MAP4K3: variants seen among roughly 807,000 people sequenced by gnomAD.
MAP4K3 encodes mitogen-activated protein kinase kinase kinase kinase 3, also known as MAPK/ERK kinase kinase kinase 3.
MAP4K3 carries 94 observed loss-of-function variants against 143.5 expected under a neutral mutation model. That is an observed-to-expected ratio of 0.65 (90% CI 0.55 to 0.78). The LOEUF (loss-of-function observed/expected upper bound fraction) is 0.78. MAP4K3 is among the 30% of genes least tolerant of loss of function. The pLI is 0.00. For missense variants in MAP4K3, 1,077 were observed against 1,068.1 expected (o/e 1.01, Z -0.12); for synonymous variants, 416 against 347.2 (o/e 1.20, Z -2.20).
At chr2:39,351,631 G>A (rs1334951269) in intron 3 of MAP4K3, among the ~76,000 whole-genome samples, 4 of 152,200 alleles carry the variant, frequency 2.6e-5, no homozygotes, top group Non-Finnish European at 5.9e-5. Context: ...GGTAAAGTAT[G>A]CTCATCTAAA....
intron 1 of MAP4K3, among the ~76,000 whole-genome samples, chr2:39,417,374 C>A (rs1167101858): frequency 2.0e-5 from 3 of 152,166 alleles, no homozygotes; most frequent in Non-Finnish European, 4.4e-5. Context: ...CGCCTGTCAC[C>A]ACGCCCGGCT....
chr2:39,401,715 C>T (rs948077908), intron 1 of MAP4K3, among the ~76,000 whole-genome samples: 2 of 152,006 alleles, frequency 1.3e-5, no homozygotes, highest in South Asian at 4.2e-4. Flanking sequence ...GTGGGCATTT[C>T]GCTTGAGCAG....
chr2:39,401,439 C>G (rs1666951228), intron 1 of MAP4K3, among the ~76,000 whole-genome samples: 1 of 152,146 alleles, frequency 6.6e-6, no homozygotes, highest in Non-Finnish European at 1.5e-5. Context: ...AGAATACTGT[C>G]TTAGTATTGG....
intron 4 of MAP4K3, among the ~76,000 whole-genome samples, chr2:39,340,120 C>T (rs1665097426): frequency 6.6e-6 from 1 of 152,086 alleles, no homozygotes; most frequent in Non-Finnish European, 1.5e-5. Context: ...CTTGCAAGCA[C>T]TAGGATTATT....
intron 12 of MAP4K3, among the ~76,000 whole-genome samples, chr2:39,317,279 T>A (rs1438449913): frequency 6.6e-6 from 1 of 152,122 alleles, no homozygotes; most frequent in African/African-American, 2.4e-5. Flanking sequence ...GATTACAGAC[T>A]TAAATGTAAA....
intron 24 of MAP4K3, among the ~76,000 whole-genome samples, chr2:39,275,322 C>A (rs961815878): frequency 2.6e-5 from 4 of 151,982 alleles, no homozygotes; most frequent in Non-Finnish European, 2.9e-5. Context: ...CCAGTCTCTA[C>A]AAAATATCAA....
chr2:39,370,099 G>C (rs994845880), intron 2 of MAP4K3, among the ~76,000 whole-genome samples: 9 of 152,182 alleles, frequency 5.9e-5, no homozygotes, highest in Admixed American at 2.6e-4. Flanking sequence ...CATAAACAGA[G>C]GACTGAGAAT....
chr2:39,394,161 T>C (rs992053519), intron 1 of MAP4K3, among the ~76,000 whole-genome samples: 2 of 152,228 alleles, frequency 1.3e-5, no homozygotes, highest in Admixed American at 1.3e-4. Context: ...TACGAGAGAA[T>C]GGCCAATATG....
chr2:39,373,723 G>T (rs1181458154), intron 2 of MAP4K3, among the ~76,000 whole-genome samples: 1 of 152,126 alleles, frequency 6.6e-6, no homozygotes, highest in Non-Finnish European at 1.5e-5. Flanking sequence ...TTTATCTGTG[G>T]GAGCTAAAAC....
intron 1 of MAP4K3, among the ~76,000 whole-genome samples, chr2:39,381,395 A>T (rs866071684): frequency 1.3e-5 from 2 of 152,310 alleles, no homozygotes; most frequent in South Asian, 4.1e-4. Context: ...ATCCCTTATC[A>T]GTCACATGAT....
intron 28 of MAP4K3, among the ~76,000 whole-genome samples, chr2:39,261,312 C>A (rs143894373): frequency 1.1e-5 from 1 of 91,496 alleles, no homozygotes; most frequent in East Asian, 3.3e-4. Context: ...ATAATACAAC[C>A]CATTTTAATT....
chr2:39,332,506 G>A lies in MAP4K3; in HGVS notation c.458-517C>T, dbSNP rs1683714698. Among the ~76,000 whole-genome samples, 9 of 151,990 alleles carry A rather than the reference G, an allele frequency of 5.9e-5. No homozygotes were observed. In the South Asian group the frequency reaches 1.9e-3, roughly 32 times the overall value. On this transcript the variant is annotated intron_variant, in intron 7 of 33. Transcript: ENST00000263881. The stretch of plus-strand genomic sequence containing the variant: ...TAGTACCAGTATCAGTCACTATCAG[G>A]AAATTATTTTTATGTATGATTTGTT...
intron 16 of MAP4K3, among the ~76,000 whole-genome samples, chr2:39,295,205 C>T (rs1164022951): frequency 6.6e-6 from 1 of 151,986 alleles, no homozygotes; most frequent in African/African-American, 2.4e-5. Flanking sequence ...TATTCACTGC[C>T]TCTGAGTCTC....
intron 26 of MAP4K3, among the ~76,000 whole-genome samples, chr2:39,269,112 CTT>C (rs34649274): frequency 0.77 from 114,759 of 148,812 alleles, 44,813 homozygotes; most frequent in Non-Finnish European, 0.85. Context: ...CTGTACAAGT[CTT>C]TTTTTTTTTT....
At chr2:39,316,895 A>G (rs1272506483) in intron 12 of MAP4K3, among the ~76,000 whole-genome samples, 3 of 152,164 alleles carry the variant, frequency 2.0e-5, no homozygotes, top group African/African-American at 7.2e-5. Flanking sequence ...AAAAATTAAA[A>G]TTTATAGAAA....
chr2:39,375,977 G>C (rs1666206739), intron 2 of MAP4K3, among the ~76,000 whole-genome samples: 2 of 152,178 alleles, frequency 1.3e-5, no homozygotes, highest in Admixed American at 1.3e-4. Flanking sequence ...CCAGTTGATG[G>C]GCAGTTAGAC....
At chr2:39,326,121 G>T (rs767662313) in intron 9 of MAP4K3, 25 bp downstream of exon 9, 4 of 1,602,542 alleles carry the variant, frequency 2.5e-6, no homozygotes, top group African/African-American at 1.3e-5. Context: ...TTAAGCGTAA[G>T]ATTCTTCAAT....
intron 13 of MAP4K3, among the ~76,000 whole-genome samples, chr2:39,311,985 C>A (rs1558639827): frequency 6.6e-6 from 1 of 151,850 alleles, no homozygotes; most frequent in African/African-American, 2.4e-5. Flanking sequence ...GAATGAAGAG[C>A]AAAAAATTGG....
chr2:39,416,808 T>C (rs182461574), intron 1 of MAP4K3, among the ~76,000 whole-genome samples: 169 of 152,352 alleles, frequency 1.1e-3, no homozygotes, highest in Non-Finnish European at 1.7e-3. Context: ...CACACATCTA[T>C]TTTTGGCAGT....
Sources: allele counts gnomAD v4.1 joint callset (sites outside exome capture counted in the v4.1 genomes callset), GRCh38; gene constraint gnomAD v4.1.1; transcripts MANE v1.5; gene names NCBI Gene and HGNC (gene_info 2026-07-23, HGNC 2026-07-21).